FLOT2: variants seen among roughly 807,000 people sequenced by gnomAD.
The protein encoded by FLOT2 is flotillin 2, also known as flotillin-2.
A neutral mutation model predicts 54.9 loss-of-function variants in FLOT2; 35 were observed. The observed-to-expected ratio is 0.64, with a 90% CI of 0.49 to 0.84. The LOEUF (loss-of-function observed/expected upper bound fraction) is 0.84. FLOT2 is among the 40% of genes least tolerant of loss of function. The pLI is 0.00. For missense variants in FLOT2, 464 were observed against 572.1 expected (o/e 0.81, Z 1.93); for synonymous variants, 207 against 228.9 (o/e 0.90, Z 0.86).
At position 28,882,448 on chromosome 17, in the gene FLOT2, G is replaced by A. The variant is rs1219932006; in HGVS notation, c.468C>T (p.Asp156=). 3.1e-6 allele frequency: 5 copies of A among 1,613,398 alleles called. No homozygotes were observed. The highest frequency in any genetic ancestry group is 1.7e-5 in the Admixed American group (1 of 60,032). ...TCAGATAGTCCACTTTGTCATACACGTCCTGGGGAGGGAAGGGGGTATCAG... is the reference window on the plus strand; with the variant it reads ...TCAGATAGTCCACTTTGTCATACACATCCTGGGGAGGGAAGGGGGTATCAG... ...GIEILSFTIK[D]VYDKVDYLSS... is the part of the protein sequence containing the mutation. Residue 156 remains aspartate, a splice_region_variant and synonymous_variant, in exon 6 of 11, where the codon GAC becomes GAT. Coordinates refer to ENST00000394908, the MANE Select transcript of FLOT2 (RefSeq NM_004475.3). The surrounding 1 kb of genome is among the most constrained non-coding windows in gnomAD (Gnocchi z 5.6).
At chr17:28,881,466 C>T (rs1374442262) in intron 8 of FLOT2, 91 bp from the exon 9 acceptor site, 3 of 1,321,880 alleles carry the variant, frequency 2.3e-6, no homozygotes, top group Non-Finnish European at 3.2e-6. Context: ...AAACCCTCTG[C>T]TCTGGGGGCT....
intron 1 of FLOT2, among the ~76,000 whole-genome samples, chr17:28,896,200 A>G (rs991371704): frequency 1.3e-5 from 2 of 152,254 alleles, no homozygotes; most frequent in African/African-American, 4.8e-5. Flanking sequence ...TGGAAGGCAC[A>G]GAGCAACCCA....
chr17:28,881,783 G>T (rs780592501), intron 8 of FLOT2, 31 bp downstream of exon 8: 3 of 1,603,064 alleles, frequency 1.9e-6, no homozygotes, highest in Non-Finnish European at 2.6e-6. Context: ...GCCTGACTAA[G>T]CCCTGACCCC....
At chr17:28,885,474 T>A in intron 2 of FLOT2, 1 of 665,026 alleles carries the variant, frequency 1.5e-6, no homozygotes, top group South Asian at 1.7e-5. Flanking sequence ...AGTAGAGAGC[T>A]GGTGAATGAA....
chr17:28,888,849 G>T, intron 2 of FLOT2, 96 bp downstream of exon 2: 3 of 518,638 alleles, frequency 5.8e-6, no homozygotes, highest in Middle Eastern at 3.7e-4. Context: ...AATGGTAGAT[G>T]CTCTAGCTGA....
In FLOT2 at chr17:28,880,312, GAC is replaced by G; in HGVS notation, c.*247_*248del. On this transcript the variant is annotated 3_prime_UTR_variant, in exon 11 of 11. Coordinates refer to ENST00000394908, the MANE Select transcript of FLOT2 (RefSeq NM_004475.3). ...AAAGAAAAAGACAGACAAAGGAAAA[GAC>G]ACGCAGGGAGATGAGACACAAACCT... is the stretch of plus-strand genomic sequence containing the variant. The G allele has an allele frequency of 7.3e-7, 1 of 1,373,900 alleles. No homozygotes were observed. The highest frequency in any genetic ancestry group is 9.4e-7 in the Non-Finnish European group (1 of 1,065,288). 85.1% of individuals were successfully genotyped at this position (1,373,900 alleles called of 1,614,324 possible).
chr17:28,885,830 C>G (rs534891255), intron 2 of FLOT2: 2 of 1,443,746 alleles, frequency 1.4e-6, no homozygotes, highest in African/African-American at 2.8e-5. Flanking sequence ...AGGTTAGACA[C>G]GGAGGAGGAA....
At chr17:28,896,472 G>C (rs80087403) in intron 1 of FLOT2, among the ~76,000 whole-genome samples, 15,694 of 152,206 alleles carry the variant, frequency 0.1, 1,080 homozygotes, top group Middle Eastern at 0.16. Flanking sequence ...TGGTCTTCAG[G>C]GGGGTAGGGT....
rs2039493222 is a variant in FLOT2 at position 28,883,585 on chromosome 17, G to C, written c.223-354C>G. 6.6e-6 allele frequency among the ~76,000 whole-genome samples: 1 copy of C among 152,172 alleles called. No individual in the cohort carries two copies. The highest frequency in any genetic ancestry group is 1.5e-5 in the Non-Finnish European group (1 of 68,022). ...TCAGGCTGAGGGGCAGAGAGTATGA[G>C]AAGCAGAATGAGCAATAGGGACACA... On this transcript the variant is annotated intron_variant, in intron 3 of 10. Coordinates refer to ENST00000394908, the MANE Select transcript of FLOT2 (RefSeq NM_004475.3). The surrounding 1 kb of genome is among the most constrained non-coding windows in gnomAD (Gnocchi z 5.0).
chr17:28,881,804 C>A lies in FLOT2; in HGVS notation c.914+10G>T. On this transcript the variant is annotated intron_variant, in intron 8 of 10. Transcript: ENST00000394908. Reference sequence around the variant, plus strand: ...CTAAGCCCTGACCCCGGCACCTGGGCGGCTCTCACTTTTCACCCTCGGCAA... The same window carrying A: ...CTAAGCCCTGACCCCGGCACCTGGGAGGCTCTCACTTTTCACCCTCGGCAA... The A allele has an allele frequency of 6.2e-7, 1 of 1,611,526 alleles. No individual in the cohort carries two copies. Among genetic ancestry groups the A allele is most frequent in the East Asian group, 2.2e-5 (1 of 44,882 alleles).
At chr17:28,881,418 G>A (rs766780806) in intron 8 of FLOT2, 43 bp from the exon 9 acceptor site, 1 of 1,590,598 alleles carries the variant, frequency 6.3e-7, no homozygotes, top group Non-Finnish European at 8.6e-7. Context: ...GACGTACCAG[G>A]GTCCTCTCAA....
intron 2 of FLOT2, among the ~76,000 whole-genome samples, chr17:28,886,594 G>A (rs1834195992): frequency 6.6e-6 from 1 of 152,198 alleles, no homozygotes; most frequent in African/African-American, 2.4e-5. Context: ...TTGGCCAGGG[G>A]CAGAGAGAAG....
intron 2 of FLOT2, chr17:28,885,505 C>A: frequency 1.4e-6 from 1 of 696,740 alleles, no homozygotes; most frequent in Non-Finnish European, 2.7e-6. Flanking sequence ...GGGGAACCCA[C>A]ACATGACAGA....
At position 28,882,515 on chromosome 17, in the gene FLOT2, A is replaced by C. The variant is rs1034169326; in HGVS notation, c.465+58T>G. 3 of 1,588,256 alleles carry C rather than the reference A, an allele frequency of 1.9e-6. No individual in the cohort carries two copies. The African/African-American group carries it at 4.0e-5, about 21-fold the overall frequency. On this transcript the variant is annotated intron_variant, in intron 5 of 10. Transcript: ENST00000394908. The surrounding 1 kb of genome is among the most constrained non-coding windows in gnomAD (Gnocchi z 5.6). The stretch of plus-strand genomic sequence containing the variant: ...CCAGAGGCACAAAGGTGCCCCTCTA[A>C]CAAAGCCACCATCTCCCAGATGGAC...
rs757012673 is a variant in FLOT2 at position 28,883,729 on chromosome 17, C to T, written c.222+496G>A. Among the ~76,000 whole-genome samples the T allele has an allele frequency of 6.6e-6, 1 of 152,168 alleles. No individual in the cohort carries two copies. The highest frequency in any genetic ancestry group is 1.5e-5 in the Non-Finnish European group (1 of 68,028). On this transcript the variant is annotated intron_variant, in intron 3 of 10. Coordinates refer to ENST00000394908, the MANE Select transcript of FLOT2 (RefSeq NM_004475.3). The surrounding 1 kb of genome is among the most constrained non-coding windows in gnomAD (Gnocchi z 5.0). ...GCCGAGGCCTACAGCATGGCTGAAC[C>T]TCACTGCCCTGTGAAGCCAAGAGGT...
At chr17:28,891,091 G>A (rs2152649614) in intron 1 of FLOT2, among the ~76,000 whole-genome samples, 1 of 152,158 alleles carries the variant, frequency 6.6e-6, no homozygotes, top group East Asian at 1.9e-4. Context: ...ATGTTGCCCA[G>A]GCTGTTCTCG....
intron 1 of FLOT2, among the ~76,000 whole-genome samples, chr17:28,890,473 A>G (rs879901024): frequency 4.0e-4 from 59 of 147,106 alleles, no homozygotes; most frequent in Admixed American, 6.9e-4. Context: ...TGCAAGCTCC[A>G]CCTCCCGGGT....
At chr17:28,888,585 G>A (rs1352486270) in intron 2 of FLOT2, among the ~76,000 whole-genome samples, 5 of 152,134 alleles carry the variant, frequency 3.3e-5, no homozygotes, top group South Asian at 2.1e-4. Flanking sequence ...TCCAAACTGG[G>A]CGTATAATAA....
In FLOT2 at chr17:28,884,408, T is replaced by A. The variant is rs1598092130; in HGVS notation, c.132-93A>T. ...CCAGTACCTCACTGCTCCGGCTGGG[T>A]CCTGGTGAGGAAGGTGGAGGGAGGA... On this transcript the variant is annotated intron_variant, in intron 2 of 10. Transcript: ENST00000394908. The surrounding 1 kb of genome is among the most constrained non-coding windows in gnomAD (Gnocchi z 5.1). The A allele has an allele frequency of 1.3e-6, 1 of 764,886 alleles. No individual in the cohort carries two copies. The highest frequency in any genetic ancestry group is 1.7e-5 in the African/African-American group (1 of 57,718). 47.4% of individuals were successfully genotyped at this position (764,886 alleles called of 1,614,324 possible).
Sources: gnomAD v4.1 joint callset for allele counts (sites outside exome capture counted in the v4.1 genomes callset) on GRCh38, gnomAD v4.1.1 for gene constraint, Gnocchi (gnomAD v3.1) non-coding constraint, MANE v1.5 for transcripts, NCBI Gene and HGNC (gene_info 2026-07-23, HGNC 2026-07-21) for gene names.